Variants in ADCY2 observed in about 807,000 individuals in gnomAD.
ADCY2 encodes the protein adenylate cyclase 2.
In ADCY2, 31 loss-of-function variants were observed where a neutral mutation model predicts 125.2. The ratio of observed to expected loss-of-function variants is 0.25; its 90% CI spans 0.19 to 0.33. The LOEUF (loss-of-function observed/expected upper bound fraction) is 0.33, where lower values mean the gene tolerates loss of function less well. Ranked by LOEUF, ADCY2 falls within the 10% of genes least tolerant of loss-of-function variation. The pLI is 1.00. For synonymous variants in ADCY2, 512 were observed against 548.4 expected (o/e 0.93, Z 0.93); for missense variants, 904 against 1,418.2 (o/e 0.64, Z 5.82).
In ADCY2 at chr5:7,404,847, C is replaced by T. The variant is rs146814822; in HGVS notation, c.210+8341C>T. Among the ~76,000 whole-genome samples, 1,437 of 152,264 alleles carry T rather than the reference C, an allele frequency of 9.4e-3. 10 individuals carry two copies. The highest frequency in any genetic ancestry group is 0.02 in the Middle Eastern group (6 of 294). Reference sequence around the variant, plus strand: ...GGGGCTTGCCTCCGTTGAAGGTTTGCTCACTTCCCTGTCTGGTGGTCATGC... The same window carrying T: ...GGGGCTTGCCTCCGTTGAAGGTTTGTTCACTTCCCTGTCTGGTGGTCATGC... On this transcript the variant is annotated intron_variant, in intron 1 of 24. Coordinates refer to ENST00000338316, the MANE Select transcript of ADCY2 (RefSeq NM_020546.3).
At chr5:7,644,689 C>A (rs1300708671) in intron 4 of ADCY2, among the ~76,000 whole-genome samples, 5 of 152,126 alleles carry the variant, frequency 3.3e-5, no homozygotes, top group African/African-American at 4.8e-5. Context: ...ACCTTTTTCT[C>A]TCCCACCCAA....
chr5:7,821,606 A>G (rs1391650451), intron 24 of ADCY2, among the ~76,000 whole-genome samples: 1 of 152,246 alleles, frequency 6.6e-6, no homozygotes, highest in African/African-American at 2.4e-5. Flanking sequence ...GCCCTTGTAC[A>G]GCGAATGTTC....
intron 4 of ADCY2, among the ~76,000 whole-genome samples, chr5:7,656,555 G>T (rs111885978): frequency 6.6e-6 from 1 of 152,150 alleles, no homozygotes; most frequent in Non-Finnish European, 1.5e-5. Context: ...ATACTTTTTA[G>T]TCTCTCATGT....
chr5:7,436,792 G>A (rs1324044639), intron 2 of ADCY2, among the ~76,000 whole-genome samples: 1 of 152,346 alleles, frequency 6.6e-6, no homozygotes, highest in African/African-American at 2.4e-5. Flanking sequence ...GGCGTGTGCA[G>A]CCTGTTTGGG....
intron 15 of ADCY2, among the ~76,000 whole-genome samples, chr5:7,755,117 G>C (rs1056415153): frequency 2.0e-5 from 3 of 152,182 alleles, no homozygotes; most frequent in African/African-American, 4.8e-5. Context: ...CTCTTAAGTA[G>C]AAGCGTCAAG....
At chr5:7,700,971 C>A (rs1441530367) in intron 7 of ADCY2, among the ~76,000 whole-genome samples, 1 of 151,940 alleles carries the variant, frequency 6.6e-6, no homozygotes, top group African/African-American at 2.4e-5. Context: ...ATAAGTAAAT[C>A]ATATGTACTC....
intron 3 of ADCY2, among the ~76,000 whole-genome samples, chr5:7,600,085 C>G (rs1579616837): frequency 6.6e-6 from 1 of 152,240 alleles, no homozygotes; most frequent in South Asian, 2.1e-4. Context: ...TCACTGGGTT[C>G]TATGTGGGAT....
chr5:7,580,619 ATG>A (rs1385338143), intron 3 of ADCY2, among the ~76,000 whole-genome samples: 1 of 152,246 alleles, frequency 6.6e-6, no homozygotes, highest in Non-Finnish European at 1.5e-5. Context: ...CATATTTGTA[ATG>A]GAGTCACAGA....
chr5:7,411,238 G>C (rs1199824616), intron 1 of ADCY2, among the ~76,000 whole-genome samples: 1 of 152,150 alleles, frequency 6.6e-6, no homozygotes, highest in Non-Finnish European at 1.5e-5. Context: ...AGGGTCACAG[G>C]CCTCACAAGC....
chr5:7,662,351 C>T (rs1739561709), intron 4 of ADCY2, among the ~76,000 whole-genome samples: 1 of 152,202 alleles, frequency 6.6e-6, no homozygotes. Flanking sequence ...TTCAAGGTTA[C>T]AGGCAGAAAT....
At chr5:7,558,551 C>T (rs1471510700) in intron 3 of ADCY2, among the ~76,000 whole-genome samples, 1 of 151,798 alleles carries the variant, frequency 6.6e-6, no homozygotes, top group Non-Finnish European at 1.5e-5. Flanking sequence ...TTTTCTTGTA[C>T]ATTTGTTTAA....
intron 18 of ADCY2, among the ~76,000 whole-genome samples, chr5:7,778,404 C>T (rs1743810817): frequency 6.6e-6 from 1 of 152,202 alleles, no homozygotes; most frequent in Non-Finnish European, 1.5e-5. Flanking sequence ...GAGCAGCTAA[C>T]TAACAAGGAT....
At chr5:7,499,648 G>GATATATATATATATATATATATATAT (rs70940741) in intron 2 of ADCY2, among the ~76,000 whole-genome samples, 15 of 118,426 alleles carry the variant, frequency 1.3e-4, no homozygotes, top group Non-Finnish European at 2.1e-4. Flanking sequence ...TATGTGGGTG[G>GATATATATATATATATATATATATAT]ATATATATAT....
At position 7,465,708 on chromosome 5, in the gene ADCY2, C is replaced by T. The variant is rs186506281; in HGVS notation, c.408+50938C>T. 3.3e-5 allele frequency among the ~76,000 whole-genome samples: 5 copies of T among 152,310 alleles called. No homozygotes were observed. In the East Asian group the frequency reaches 9.7e-4, roughly 29 times the overall value. ...TGTGAATGTTAGGATGACAGTTTTA[C>T]AGCTCAATGAAATTTTACATATGTG... On this transcript the variant is annotated intron_variant, in intron 2 of 24. Coordinates refer to ENST00000338316, the MANE Select transcript of ADCY2 (RefSeq NM_020546.3).
At chr5:7,699,841 G>T (rs1358375554) in intron 7 of ADCY2, among the ~76,000 whole-genome samples, 1 of 152,174 alleles carries the variant, frequency 6.6e-6, no homozygotes, top group Non-Finnish European at 1.5e-5. Context: ...GCTTGCCTTG[G>T]CCTCCCAAAC....
Position 7,789,728 on chromosome 5 carries a change from C to T in ADCY2, c.2556C>T (p.Asn852=). The T allele has an allele frequency of 6.2e-7, 1 of 1,613,742 alleles. No homozygotes were observed. The highest frequency in any genetic ancestry group is 8.5e-7 in the Non-Finnish European group (1 of 1,179,934). Residue 852 remains asparagine (N), a synonymous_variant, in exon 20 of 25, where the codon AAC becomes AAT. Coordinates refer to ENST00000338316, the MANE Select transcript of ADCY2 (RefSeq NM_020546.3). The part of the protein sequence containing the change: ...REEIETMENL[N]RVLLENVLPA... The stretch of plus-strand genomic sequence containing the variant: ...AGATAGAGACCATGGAGAACCTGAA[C>T]CGCGTGCTGCTGGAGAACGTGCTTC...
In ADCY2 at chr5:7,785,760, C is replaced by G. The variant is rs139302899; in HGVS notation, c.2469+1311C>G. Reference sequence around the variant, plus strand: ...CCCTCTGTGGGATCACCTGTTTCTCCATTTCATACTGGGGATGCTTTTTCC... The same window carrying G: ...CCCTCTGTGGGATCACCTGTTTCTCGATTTCATACTGGGGATGCTTTTTCC... On this transcript the variant is annotated intron_variant, in intron 19 of 24. Coordinates refer to ENST00000338316, the MANE Select transcript of ADCY2 (RefSeq NM_020546.3). Among the ~76,000 whole-genome samples, 276 of 152,282 alleles carry G rather than the reference C, an allele frequency of 1.8e-3. 1 individual carries two copies. Among genetic ancestry groups the G allele is most frequent in the African/African-American group, 6.5e-3 (271 of 41,546 alleles).
At chr5:7,429,214 A>G (rs1196448699) in intron 2 of ADCY2, among the ~76,000 whole-genome samples, 1 of 152,222 alleles carries the variant, frequency 6.6e-6, no homozygotes, top group Non-Finnish European at 1.5e-5. Context: ...GACATTGCCT[A>G]CTGATAAAGG....
intron 23 of ADCY2, among the ~76,000 whole-genome samples, chr5:7,817,823 CAAAAAAAAAAAAAAAAAA>C: frequency 1.3e-5 from 1 of 78,300 alleles, no homozygotes; most frequent in East Asian, 4.6e-4. Context: ...ACGCTGTCAC[CAAAAAAAAAAAAAAAAAA>C]AAAAAAAAAA....
Sources: gnomAD v4.1 joint callset for allele counts (sites outside exome capture counted in the v4.1 genomes callset) on GRCh38, gnomAD v4.1.1 for gene constraint, MANE v1.5 for transcripts, NCBI Gene and HGNC (gene_info 2026-07-23, HGNC 2026-07-21) for gene names.